The following KALRN variants were observed in gnomAD, a reference collection of about 807,000 sequenced individuals.
KALRN encodes kalirin RhoGEF kinase.
KALRN carries 70 observed loss-of-function variants against 353.7 expected under a neutral mutation model. The observed-to-expected ratio is 0.20, with a 90% CI of 0.16 to 0.24. The LOEUF (loss-of-function observed/expected upper bound fraction) is 0.24, where lower values mean the gene tolerates loss of function less well. KALRN is among the 10% of genes least tolerant of loss of function. The pLI is 1.00. For missense variants in KALRN, 2,791 were observed against 3,756.7 expected (o/e 0.74, Z 6.72); for synonymous variants, 1,391 against 1,434.8 (o/e 0.97, Z 0.69).
intron 6 of KALRN, among the ~76,000 whole-genome samples, chr3:124,300,955 C>T (rs11712619): frequency 0.26 from 39,576 of 152,166 alleles, 6,822 homozygotes; most frequent in Non-Finnish European, 0.38. Context: ...TGATTAAGAA[C>T]GTGAACTCAA....
At chr3:124,272,442 G>A (rs1170610121) in intron 5 of KALRN, among the ~76,000 whole-genome samples, 1 of 152,138 alleles carries the variant, frequency 6.6e-6, no homozygotes, top group East Asian at 1.9e-4. Flanking sequence ...AAATAAAGAC[G>A]TGATTTTTTT....
At chr3:124,492,312 T>G (rs2063252300) in intron 31 of KALRN, among the ~76,000 whole-genome samples, 1 of 152,214 alleles carries the variant, frequency 6.6e-6, no homozygotes, top group South Asian at 2.1e-4. Context: ...GGAGCCATGC[T>G]AGGTGAACAT....
At chr3:124,164,766 CT>C (rs1478020659) in intron 1 of KALRN, 1 of 152,164 alleles carries the variant, frequency 6.6e-6, no homozygotes, top group Non-Finnish European at 1.5e-5. Context: ...ATTAAGTGAT[CT>C]TTCACTATCT....
At chr3:124,193,158 T>C (rs1009775903) in intron 1 of KALRN, among the ~76,000 whole-genome samples, 10 of 152,192 alleles carry the variant, frequency 6.6e-5, no homozygotes, top group Admixed American at 6.5e-4. Context: ...CCAACCCCTG[T>C]AGACTGCATT....
At chr3:124,439,200 T>TTACACACACACACACACACACACACACA (rs1395318707) in intron 18 of KALRN, among the ~76,000 whole-genome samples, 163 bp downstream of exon 18, 5 of 98,878 alleles carry the variant, frequency 5.1e-5, no homozygotes, top group African/African-American at 1.4e-4. Flanking sequence ...TCTCTCTCTC[T>TTACACACACACACACACACACACACACA]CACACACACA....
chr3:124,076,122 T>G lies in KALRN; in HGVS notation c.73+42309T>G, dbSNP rs76150150. ...AAGTGGCAGCAGGAGAAACTAATTT[T>G]GCTGGAAAGTTTCTAAGGAGCCCAA... is the stretch of plus-strand genomic sequence containing the variant. On this transcript the variant is annotated intron_variant, in intron 1 of 59. Transcript: ENST00000682506. Among the ~76,000 whole-genome samples the G allele has an allele frequency of 3.2e-3, 489 of 152,340 alleles. 4 individuals carry two copies. The highest frequency in any genetic ancestry group is 0.011 in the African/African-American group (473 of 41,572).
chr3:124,572,053 T>C (rs935562795), intron 34 of KALRN, among the ~76,000 whole-genome samples: 1 of 151,854 alleles, frequency 6.6e-6, no homozygotes, highest in Admixed American at 6.6e-5. Flanking sequence ...CTGGGTGCAG[T>C]GGCTCACATC....
At chr3:124,108,551 A>G (rs936543946) in intron 1 of KALRN, among the ~76,000 whole-genome samples, 6 of 152,178 alleles carry the variant, frequency 3.9e-5, no homozygotes, top group African/African-American at 1.2e-4. Context: ...GCTTTGGCCA[A>G]TGAAACGTGA....
chr3:124,149,485 G>A (rs1025662941), intron 1 of KALRN, among the ~76,000 whole-genome samples: 5 of 152,134 alleles, frequency 3.3e-5, no homozygotes, highest in African/African-American at 9.7e-5. Context: ...AATAATCCTA[G>A]CTTAATTTTT....
rs920846494 is a variant in KALRN, at chr3:124,533,969, G to A, written c.4936-28874G>A. 5.3e-5 allele frequency among the ~76,000 whole-genome samples: 8 copies of A among 152,272 alleles called. No individual in the cohort carries two copies. The East Asian group carries it at 5.8e-4, about 11-fold the overall frequency. ...TCAAACATCAACAGTGAGAGGTCAC[G>A]TTGATAGCACGTACCCTTGATATGA... On this transcript the variant is annotated intron_variant, in intron 33 of 59. Coordinates refer to ENST00000682506, the MANE Select transcript of KALRN (RefSeq NM_001388419.1).
chr3:124,330,246 TCA>T (rs774251256), intron 8 of KALRN, among the ~76,000 whole-genome samples: 7,354 of 134,122 alleles, frequency 0.055, 251 homozygotes, highest in East Asian at 0.15. Context: ...TCTCTCTCTC[TCA>T]CACACACACA....
chr3:124,264,989 A>T (rs2073333629), intron 4 of KALRN, among the ~76,000 whole-genome samples: 1 of 152,210 alleles, frequency 6.6e-6, no homozygotes, highest in Admixed American at 6.5e-5. Context: ...CCTTAGGAAG[A>T]GTTTATATCC....
At chr3:124,493,157 A>T (rs2063350391) in intron 32 of KALRN, among the ~76,000 whole-genome samples, 2 of 152,266 alleles carry the variant, frequency 1.3e-5, no homozygotes, top group South Asian at 2.1e-4. Context: ...CTTAAGAGCC[A>T]TCTAATAGTC....
chr3:124,717,420 C>T (rs749233006), intron 59 of KALRN, 35 bp downstream of exon 59: 17 of 1,523,642 alleles, frequency 1.1e-5, no homozygotes, highest in Non-Finnish European at 1.3e-5. Context: ...GGCGCAGTGG[C>T]TCACGCCTGA....
At chr3:124,476,261 C>A (rs1372997000) in intron 26 of KALRN, among the ~76,000 whole-genome samples, 3 of 151,112 alleles carry the variant, frequency 2.0e-5, no homozygotes, top group Non-Finnish European at 4.4e-5. Flanking sequence ...AAAGTCAGAT[C>A]TCTGCTTAGT....
intron 5 of KALRN, among the ~76,000 whole-genome samples, chr3:124,280,000 G>A (rs1019071622): frequency 6.6e-6 from 1 of 152,190 alleles, no homozygotes; most frequent in Non-Finnish European, 1.5e-5. Context: ...AGAGAGGAGT[G>A]CAGGAGGTCT....
Position 124,164,626 on chromosome 3 carries a change from A to G in KALRN, c.74-63364A>G, listed in dbSNP as rs781071730. On this transcript the variant is annotated intron_variant, in intron 1 of 59. Coordinates refer to ENST00000682506, the MANE Select transcript of KALRN (RefSeq NM_001388419.1). Reference sequence around the variant, plus strand: ...TAAAACATCAGAAGGAGCAGTAACTATAGAGGTTATTAACTAAGGGGATAA... The same window carrying G: ...TAAAACATCAGAAGGAGCAGTAACTGTAGAGGTTATTAACTAAGGGGATAA... The G allele has an allele frequency of 3.2e-4, 48 of 152,262 alleles. 1 individual carries two copies. Among genetic ancestry groups the G allele is most frequent in the Admixed American group, 2.7e-3 (41 of 15,286 alleles). The allele number at this position is 152,262 out of a possible 1,614,324, so 9.4% of individuals were successfully genotyped here.
At chr3:124,290,980 A>G (rs1056312011) in intron 5 of KALRN, among the ~76,000 whole-genome samples, 4 of 152,234 alleles carry the variant, frequency 2.6e-5, no homozygotes, top group Non-Finnish European at 5.9e-5. Context: ...CACAACACCT[A>G]CCAGGGAGTC....
chr3:124,562,418 C>A (rs774485685), intron 33 of KALRN, among the ~76,000 whole-genome samples: 40 of 151,926 alleles, frequency 2.6e-4, no homozygotes, highest in South Asian at 2.1e-4. Flanking sequence ...GTAGTCAGGG[C>A]AGGGACAGGG....
Sources: allele counts gnomAD v4.1 joint callset (sites outside exome capture counted in the v4.1 genomes callset), GRCh38; gene constraint gnomAD v4.1.1; transcripts MANE v1.5; gene names NCBI Gene and HGNC (gene_info 2026-07-23, HGNC 2026-07-21).